The following OCA2 variants were observed in gnomAD, a reference collection of about 807,000 sequenced individuals.
The protein encoded by OCA2 is OCA2 melanosomal transmembrane protein, also known as P protein.
OCA2 carries 77 observed loss-of-function variants against 100.2 expected under a neutral mutation model. That is an observed-to-expected ratio of 0.77 (90% CI 0.64 to 0.93). The LOEUF (loss-of-function observed/expected upper bound fraction) is 0.93, where lower values mean the gene tolerates loss of function less well. Among genes scored for constraint, OCA2 ranks in the 40% least tolerant of loss-of-function variants. The pLI is 0.00. For missense variants in OCA2, 1,062 were observed against 1,089.1 expected, an observed-to-expected ratio of 0.98 and a Z score of 0.35; for synonymous variants, 432 against 439.2, an observed-to-expected ratio of 0.98 and a Z score of 0.21.
intron 19 of OCA2, among the ~76,000 whole-genome samples, chr15:27,881,129 T>C (rs2036996355): frequency 6.6e-6 from 1 of 152,206 alleles, no homozygotes; most frequent in Admixed American, 6.5e-5. Context: ...ATGTGGTTTT[T>C]ATCTTTAGTT....
chr15:27,732,439 G>C, the OCA2 span, among the ~76,000 whole-genome samples: 1 of 152,138 alleles, frequency 6.6e-6, no homozygotes, highest in Non-Finnish European at 1.5e-5. Flanking sequence ...CACAGTGCTC[G>C]CAAAGCCACG....
intron 19 of OCA2, among the ~76,000 whole-genome samples, chr15:27,878,146 C>T (rs1033014807): frequency 2.6e-5 from 4 of 151,954 alleles, no homozygotes; most frequent in Non-Finnish European, 5.9e-5. Context: ...TCTCCCCTTT[C>T]CTCTTATGGT....
At chr15:27,846,218 T>G (rs547272093) in intron 22 of OCA2, among the ~76,000 whole-genome samples, 1 of 152,234 alleles carries the variant, frequency 6.6e-6, no homozygotes, top group African/African-American at 2.4e-5. Flanking sequence ...CCCATCATCC[T>G]GCCTGCCAAC....
At chr15:27,782,854 C>A (rs2032615244) in intron 23 of OCA2, among the ~76,000 whole-genome samples, 1 of 152,178 alleles carries the variant, frequency 6.6e-6, no homozygotes, top group African/African-American at 2.4e-5. Context: ...TAAGACAATT[C>A]TTGCCTTCAT....
At chr15:27,932,080 C>G (rs1432035289) in intron 18 of OCA2, among the ~76,000 whole-genome samples, 1 of 152,148 alleles carries the variant, frequency 6.6e-6, no homozygotes, top group African/African-American at 2.4e-5. Context: ...TAACGTTATA[C>G]TTAATGCAAT....
rs529949731 is a variant in OCA2, at chr15:27,977,859, G to A, written c.1503+5486C>T. The stretch of plus-strand genomic sequence containing the variant: ...CCTGCCACATGAGGACACAGTGAGA[G>A]AGCGGCCATCTGCAAGCCTGGAAGA... On this transcript the variant is annotated intron_variant, in intron 14 of 23. Coordinates refer to ENST00000354638, the MANE Select transcript of OCA2 (RefSeq NM_000275.3). Among the ~76,000 whole-genome samples, 229 of 152,312 alleles carry A rather than the reference G, an allele frequency of 1.5e-3. 1 individual carries two copies. Among genetic ancestry groups the A allele is most frequent in the African/African-American group, 5.3e-3 (219 of 41,566 alleles).
chr15:27,876,569 T>C (rs2036800372), intron 19 of OCA2, among the ~76,000 whole-genome samples: 1 of 152,054 alleles, frequency 6.6e-6, no homozygotes, highest in Admixed American at 6.5e-5. Flanking sequence ...CCATTTGTGT[T>C]TGGACTTTTC....
intron 19 of OCA2, among the ~76,000 whole-genome samples, chr15:27,907,996 C>T (rs1437474452): frequency 6.6e-6 from 1 of 152,032 alleles, no homozygotes; most frequent in African/African-American, 2.4e-5. Flanking sequence ...GGTAAATTTT[C>T]CTAACTCCCT....
At chr15:27,767,770 A>G (rs781572289) in intron 23 of OCA2, among the ~76,000 whole-genome samples, 1 of 152,186 alleles carries the variant, frequency 6.6e-6, no homozygotes, top group Non-Finnish European at 1.5e-5. Flanking sequence ...GGTGGGGACA[A>G]ATAAGCAAAT....
At chr15:27,765,102 G>A (rs1015977816) in intron 23 of OCA2, among the ~76,000 whole-genome samples, 2 of 152,154 alleles carry the variant, frequency 1.3e-5, no homozygotes, top group African/African-American at 4.8e-5. Context: ...GAACTGTCAA[G>A]GTGCTGGTGG....
chr15:28,042,617 G>A (rs1294861840), intron 2 of OCA2, among the ~76,000 whole-genome samples: 2 of 151,922 alleles, frequency 1.3e-5, no homozygotes, highest in Non-Finnish European at 2.9e-5. Context: ...TCCAGCCTAG[G>A]TGGCATAGTG....
the OCA2 span, among the ~76,000 whole-genome samples, chr15:27,747,336 T>G: frequency 6.6e-6 from 1 of 152,256 alleles, no homozygotes; most frequent in Non-Finnish European, 1.5e-5. Context: ...GAGTAAGTGT[T>G]CGATCGGTCT....
intron 23 of OCA2, among the ~76,000 whole-genome samples, chr15:27,843,054 T>TA (rs150035545): frequency 0.034 from 5,242 of 152,108 alleles, 309 homozygotes; most frequent in African/African-American, 0.12. Context: ...ACCTTCTTTT[T>TA]AAAAAAATAC....
chr15:27,775,726 G>A (rs1163368465), intron 23 of OCA2: 1 of 152,328 alleles, frequency 6.6e-6, no homozygotes, highest in East Asian at 1.9e-4. Flanking sequence ...GCCAGGGCAG[G>A]GCTGGTTTCC....
chr15:27,985,970 C>T (rs1207837952), intron 12 of OCA2, among the ~76,000 whole-genome samples: 1 of 152,176 alleles, frequency 6.6e-6, no homozygotes, highest in African/African-American at 2.4e-5. Flanking sequence ...GGATTACAGG[C>T]GTGAGCCACT....
At chr15:28,062,412 G>A (rs947419965) in intron 2 of OCA2, among the ~76,000 whole-genome samples, 7 of 152,276 alleles carry the variant, frequency 4.6e-5, no homozygotes, top group African/African-American at 1.7e-4. Context: ...GGCATGGGGG[G>A]AGTCTTTTTA....
At chr15:27,822,713 T>C (rs1253614976) in intron 23 of OCA2, among the ~76,000 whole-genome samples, 1 of 152,124 alleles carries the variant, frequency 6.6e-6, no homozygotes, top group Non-Finnish European at 1.5e-5. Context: ...GAGAGTGAAA[T>C]TGCTCATTTT....
intron 9 of OCA2, among the ~76,000 whole-genome samples, chr15:28,002,351 G>A (rs74005195): frequency 0.044 from 6,692 of 152,232 alleles, 509 homozygotes; most frequent in African/African-American, 0.15. Flanking sequence ...TGACCCCATG[G>A]GGCCTCCCTG....
At chr15:27,764,833 T>C (rs1318306295) in intron 23 of OCA2, among the ~76,000 whole-genome samples, 1 of 152,058 alleles carries the variant, frequency 6.6e-6, no homozygotes, top group Non-Finnish European at 1.5e-5. Flanking sequence ...GGTGAATCCA[T>C]AGAGTAAAGC....
Sources: gnomAD v4.1 joint callset for allele counts (sites outside exome capture counted in the v4.1 genomes callset) on GRCh38, gnomAD v4.1.1 for gene constraint, MANE v1.5 for transcripts, NCBI Gene and HGNC (gene_info 2026-07-23, HGNC 2026-07-21) for gene names.